Variants in TPH1 observed in about 807,000 individuals in gnomAD.
TPH1 encodes tryptophan hydroxylase 1.
Under a neutral mutation model 49.5 loss-of-function variants are expected in TPH1, and 37 were observed. The ratio of observed to expected loss-of-function variants is 0.75; its 90% CI spans 0.58 to 0.98. The LOEUF (loss-of-function observed/expected upper bound fraction) is 0.98, where lower values mean the gene tolerates loss of function less well. TPH1 is among the 50% of genes least tolerant of loss of function. The pLI, the probability that TPH1 is intolerant of heterozygous loss-of-function variation, is 0.00. For missense variants in TPH1, 487 were observed against 523.6 expected, an observed-to-expected ratio of 0.93 and a Z score of 0.68; for synonymous variants, 160 against 182.1, an observed-to-expected ratio of 0.88 and a Z score of 0.98.
rs1167745740 is a variant in TPH1, at chr11:18,017,837, T to A, written c.*3154A>T. ...AACTCCAAATGACAGAATATGTAGA[T>A]AAAGAAATGTAGGTATTCTGAAGAC... is the stretch of plus-strand genomic sequence containing the variant. On this transcript the variant is annotated 3_prime_UTR_variant, in exon 11 of 11. Coordinates refer to ENST00000682019, the MANE Select transcript of TPH1 (RefSeq NM_004179.3). 6.6e-6 allele frequency: 1 copy of A among 152,220 alleles called. No homozygotes were observed. Among genetic ancestry groups the A allele is most frequent in the African/African-American group, 2.4e-5 (1 of 41,460 alleles). 9.4% of individuals were successfully genotyped at this position (152,220 alleles called of 1,614,324 possible).
chr11:18,038,444 A>T (rs138487791), intron 2 of TPH1, among the ~76,000 whole-genome samples: 1 of 152,342 alleles, frequency 6.6e-6, no homozygotes, highest in African/African-American at 2.4e-5. Flanking sequence ...ATGATTATAT[A>T]AATTACTAAT....
chr11:18,029,075 C>G, intron 6 of TPH1, 90 bp downstream of exon 6: 1 of 815,746 alleles, frequency 1.2e-6, no homozygotes, highest in Non-Finnish European at 1.9e-6. Flanking sequence ...AAGAGAGACT[C>G]TGTCTCAAAA....
chr11:18,034,525 C>A (rs1564858521), intron 3 of TPH1, among the ~76,000 whole-genome samples: 1 of 152,100 alleles, frequency 6.6e-6, no homozygotes, highest in Non-Finnish European at 1.5e-5. Flanking sequence ...GTATCTGGAG[C>A]AACAGAGGCT....
intron 1 of TPH1, among the ~76,000 whole-genome samples, chr11:18,041,854 T>A (rs535906322): frequency 1.3e-5 from 2 of 152,322 alleles, no homozygotes; most frequent in South Asian, 2.1e-4. Flanking sequence ...ACGAATAAAA[T>A]TTCAACCCAA....
At chr11:18,022,637 A>G (rs955176733) in intron 10 of TPH1, among the ~76,000 whole-genome samples, 161 bp downstream of exon 10, 1 of 152,210 alleles carries the variant, frequency 6.6e-6, no homozygotes, top group Non-Finnish European at 1.5e-5. Flanking sequence ...ATCCTTATAT[A>G]CAACATACTC....
chr11:18,029,356 T>A lies in TPH1; in HGVS notation c.476A>T (p.Asp159Val). The A allele has an allele frequency of 6.2e-7, 1 of 1,613,676 alleles. No homozygotes were observed. The highest frequency in any genetic ancestry group is 8.5e-7 in the Non-Finnish European group (1 of 1,179,688). Residue 159 changes from aspartate (D) to valine (V), a missense_variant, in exon 6 of 11, where the codon GAC becomes GTC. Transcript: ENST00000682019. Reference sequence around the variant, plus strand: ...AGTGAATTCAACCTTTGGAATGGGGTCTCCACTAATGAGATAAAGGGAAGG... The same window carrying A: ...AGTGAATTCAACCTTTGGAATGGGGACTCCACTAATGAGATAAAGGGAAGG... ...ADLAMNYKHGDPIPKVEFTEE... is the reference protein window; with the variant it reads ...ADLAMNYKHGVPIPKVEFTEE...
intron 6 of TPH1, among the ~76,000 whole-genome samples, chr11:18,027,073 G>A (rs978104673): frequency 2.0e-5 from 3 of 152,108 alleles, no homozygotes; most frequent in Non-Finnish European, 2.9e-5. Context: ...AAATCAGAAC[G>A]ATTTTTGAAG....
intron 6 of TPH1, among the ~76,000 whole-genome samples, chr11:18,028,803 G>A (rs879785341): frequency 2.6e-5 from 4 of 152,082 alleles, no homozygotes; most frequent in African/African-American, 4.8e-5. Context: ...GGTGGCTCAC[G>A]CCTGTAATTC....
At position 18,026,386 on chromosome 11, in the gene TPH1, C is replaced by T. The variant is rs576878835; in HGVS notation, c.803+104G>A. Reference sequence around the variant, plus strand: ...CACATGTGCTAATTTATTTAATCCTCGCACACCAAAAAAAAAAAAAAAAAA... The same window carrying T: ...CACATGTGCTAATTTATTTAATCCTTGCACACCAAAAAAAAAAAAAAAAAA... On this transcript the variant is annotated intron_variant, in intron 7 of 10. Coordinates refer to ENST00000682019, the MANE Select transcript of TPH1 (RefSeq NM_004179.3). The T allele has an allele frequency of 6.4e-5, 72 of 1,125,136 alleles. No individual in the cohort carries two copies. The East Asian group carries it at 9.6e-4, about 15-fold the overall frequency. The allele number at this position is 1,125,136 out of a possible 1,614,324, so 69.7% of individuals were successfully genotyped here.
chr11:18,040,533 A>C, intron 2 of TPH1, 113 bp downstream of exon 2: 3 of 1,061,242 alleles, frequency 2.8e-6, no homozygotes, highest in Non-Finnish European at 4.0e-6. Context: ...ACACCCAGCT[A>C]AATTTGTTTT....
Position 18,026,641 on chromosome 11 carries a change from GA to G in TPH1, c.668-17del. Reference sequence around the variant, plus strand: ...CCTGTACGCTCTGCAAAGCAAAGGAGAAAACAAAGAAAATCTTTACCAGAAT... The same window carrying G: ...CCTGTACGCTCTGCAAAGCAAAGGAGAAACAAAGAAAATCTTTACCAGAAT... On this transcript the variant is annotated splice_polypyrimidine_tract_variant and intron_variant, in intron 6 of 10. Transcript: ENST00000682019. The G allele has an allele frequency of 6.2e-7, 1 of 1,613,854 alleles. No individual in the cohort carries two copies. The highest frequency in any genetic ancestry group is 2.2e-5 in the East Asian group (1 of 44,870).
intron 4 of TPH1, among the ~76,000 whole-genome samples, chr11:18,031,057 A>G (rs1314867501): frequency 6.6e-6 from 1 of 152,134 alleles, no homozygotes; most frequent in Non-Finnish European, 1.5e-5. Context: ...CCATCATCTA[A>G]TTTCAGAAAG....
At chr11:18,034,671 T>A (rs186653783) in intron 3 of TPH1, among the ~76,000 whole-genome samples, 86 of 152,298 alleles carry the variant, frequency 5.6e-4, no homozygotes, top group African/African-American at 2.0e-3. Flanking sequence ...TGATTACACC[T>A]CAAATATTGT....
chr11:18,033,576 A>AT (rs906170778), intron 3 of TPH1, among the ~76,000 whole-genome samples: 24 of 151,612 alleles, frequency 1.6e-4, no homozygotes, highest in South Asian at 8.4e-4. Context: ...CTGAGCTTTA[A>AT]TTTTTTTTTG....
At chr11:18,030,693 C>T (rs1026126822) in intron 4 of TPH1, among the ~76,000 whole-genome samples, 5 of 152,032 alleles carry the variant, frequency 3.3e-5, no homozygotes, top group South Asian at 4.1e-4. Flanking sequence ...ACACTTAAGA[C>T]GATTGTGTGG....
intron 6 of TPH1, among the ~76,000 whole-genome samples, chr11:18,027,160 T>C (rs1311207544): frequency 6.6e-6 from 1 of 152,168 alleles, no homozygotes; most frequent in African/African-American, 2.4e-5. Flanking sequence ...TGCCCTTCCA[T>C]CTCCCAACAG....
chr11:18,031,432 T>C (rs550405897), intron 4 of TPH1, among the ~76,000 whole-genome samples: 1 of 152,342 alleles, frequency 6.6e-6, no homozygotes, highest in South Asian at 2.1e-4. Context: ...CATTTGTGTA[T>C]ATGTTTTTGT....
In TPH1 at chr11:18,036,193, A is replaced by G. The variant is rs774811033; in HGVS notation, c.118-51T>C. On this transcript the variant is annotated intron_variant, in intron 2 of 10. Coordinates refer to ENST00000682019, the MANE Select transcript of TPH1 (RefSeq NM_004179.3). ...TCATGTAACTGCCTCAAATGTTAAT[A>G]GTCTTTGAGCAGGCTACTTTAATTA... 358 of 1,430,480 alleles carry G rather than the reference A, an allele frequency of 2.5e-4. 5 individuals carry two copies. In the South Asian group the frequency reaches 4.0e-3, roughly 16 times the overall value. The allele number at this position is 1,430,480 out of a possible 1,614,324, so 88.6% of individuals were successfully genotyped here. A position where few individuals can be genotyped will look rare whatever the true frequency, so the allele number is the denominator to read the frequency against.
At chr11:18,038,722 T>A (rs930473683) in intron 2 of TPH1, among the ~76,000 whole-genome samples, 12 of 152,334 alleles carry the variant, frequency 7.9e-5, no homozygotes, top group African/African-American at 1.9e-4. Flanking sequence ...ACTACTTTTT[T>A]AAAAATATGT....
Sources: gnomAD v4.1 joint callset for allele counts (sites outside exome capture counted in the v4.1 genomes callset) on GRCh38, gnomAD v4.1.1 for gene constraint, MANE v1.5 for transcripts, NCBI Gene and HGNC (gene_info 2026-07-23, HGNC 2026-07-21) for gene names.